The following PIK3R4 variants were observed in gnomAD, a reference collection of about 807,000 sequenced individuals.
PIK3R4 encodes the protein phosphoinositide-3-kinase regulatory subunit 4, also known as phosphoinositide 3-kinase regulatory subunit 4.
A neutral mutation model predicts 136.5 loss-of-function variants in PIK3R4; 46 were observed. The observed-to-expected ratio is 0.34, with a 90% CI of 0.27 to 0.43. PIK3R4 has a LOEUF of 0.43. Ranked by LOEUF, PIK3R4 falls within the 20% of genes least tolerant of loss-of-function variation. PIK3R4 has a pLI of 1.00. For synonymous variants in PIK3R4, 557 were observed against 566.7 expected (o/e 0.98, Z 0.24); for missense variants, 1,331 against 1,649.5 (o/e 0.81, Z 3.35).
intron 13 of PIK3R4, 90 bp downstream of exon 13, chr3:130,703,633 A>G: frequency 1.1e-6 from 1 of 930,258 alleles, no homozygotes; most frequent in Non-Finnish European, 1.7e-6. Context: ...TATGCCTGGT[A>G]CCCAAAACAG....
chr3:130,738,010 T>C (rs2107621398), intron 2 of PIK3R4, among the ~76,000 whole-genome samples: 1 of 152,336 alleles, frequency 6.6e-6, no homozygotes, highest in South Asian at 2.1e-4. Context: ...GAACGCAATT[T>C]ACATGAGGAA....
intron 4 of PIK3R4, among the ~76,000 whole-genome samples, chr3:130,731,233 T>C (rs1341847014): frequency 6.6e-6 from 1 of 152,240 alleles, no homozygotes; most frequent in African/African-American, 2.4e-5. Flanking sequence ...GGTCAAAGAC[T>C]GTACTCTTTT....
At chr3:130,694,271 T>C (rs6802397) in intron 13 of PIK3R4, among the ~76,000 whole-genome samples, 3,018 of 152,102 alleles carry the variant, frequency 0.02, 102 homozygotes, top group African/African-American at 0.068. Context: ...TCTCTTGTAA[T>C]TCTTTATGGA....
At chr3:130,703,610 T>C in intron 13 of PIK3R4, 113 bp downstream of exon 13, 2 of 726,534 alleles carry the variant, frequency 2.8e-6, no homozygotes. Context: ...TTTTTGTCCA[T>C]TTATTGTTGC....
At position 130,733,972 on chromosome 3, in the gene PIK3R4, A is replaced by T; in HGVS notation, c.1026T>A (p.Arg342=). ...AKETFLSADE[R]ILVIRKDLGN... is the part of the protein sequence containing the mutation. ...CCAAATCCTTCCGTATAACCAGAAT[A>T]CGCTCATCTGCAGAAAGAAACGTTT... The change falls in exon 4 of 20, where the codon CGT becomes CGA. Residue 342 remains arginine, a synonymous_variant. Coordinates refer to ENST00000356763, the MANE Select transcript of PIK3R4 (RefSeq NM_014602.3). 2 of 1,614,150 alleles carry T rather than the reference A, an allele frequency of 1.2e-6. No homozygotes were observed. Among genetic ancestry groups the T allele is most frequent in the Non-Finnish European group, 8.5e-7 (1 of 1,180,000 alleles).
At chr3:130,706,847 C>A in intron 11 of PIK3R4, 101 bp downstream of exon 11, 1 of 774,696 alleles carries the variant, frequency 1.3e-6, no homozygotes, top group Admixed American at 3.6e-5. Flanking sequence ...GACAAGTCAC[C>A]ATATTGATTT....
At chr3:130,715,414 G>A (rs2066659078) in intron 9 of PIK3R4, among the ~76,000 whole-genome samples, 1 of 151,872 alleles carries the variant, frequency 6.6e-6, no homozygotes, top group Non-Finnish European at 1.5e-5. Flanking sequence ...CTGAACCACG[G>A]CACCCGGCCT....
At chr3:130,718,585 G>A (rs780816067) in intron 7 of PIK3R4, 51 bp from the exon 8 acceptor site, 19 of 1,584,248 alleles carry the variant, frequency 1.2e-5, no homozygotes, top group East Asian at 6.7e-5. Context: ...TCAAACTATC[G>A]GGATAAACAA....
chr3:130,742,704 C>G (rs2107623573), intron 2 of PIK3R4, among the ~76,000 whole-genome samples: 1 of 152,246 alleles, frequency 6.6e-6, no homozygotes, highest in South Asian at 2.1e-4. Context: ...CCTAAATAAT[C>G]TAAAATTTGG....
intron 17 of PIK3R4, 67 bp downstream of exon 17, chr3:130,681,424 A>T: frequency 1.9e-6 from 2 of 1,051,402 alleles, no homozygotes; most frequent in Non-Finnish European, 2.9e-6. Flanking sequence ...AGGTTTGATT[A>T]AATGCCTGAA....
chr3:130,712,395 G>A (rs764994693), intron 9 of PIK3R4, among the ~76,000 whole-genome samples: 10 of 152,096 alleles, frequency 6.6e-5, no homozygotes, highest in African/African-American at 2.2e-4. Flanking sequence ...CTCGCCGGGC[G>A]AGGTGGCTCA....
At chr3:130,685,885 T>C (rs555614931) in intron 15 of PIK3R4, among the ~76,000 whole-genome samples, 15 of 152,242 alleles carry the variant, frequency 9.9e-5, no homozygotes, top group African/African-American at 3.6e-4. Context: ...TTGGATGCTA[T>C]TTTCCTTAAG....
intron 16 of PIK3R4, among the ~76,000 whole-genome samples, chr3:130,682,768 A>G (rs1289385083): frequency 6.6e-6 from 1 of 152,180 alleles, no homozygotes; most frequent in Non-Finnish European, 1.5e-5. Context: ...TTTTATTTGA[A>G]AATAAATTCT....
At chr3:130,735,757 G>A (rs2066782526) in intron 3 of PIK3R4, 112 bp downstream of exon 3, 2 of 867,146 alleles carry the variant, frequency 2.3e-6, no homozygotes, top group African/African-American at 3.4e-5. Context: ...ATTAGTCTAT[G>A]GTGTTTTACT....
At chr3:130,739,055 AC>A (rs1305804980) in intron 2 of PIK3R4, among the ~76,000 whole-genome samples, 2 of 152,086 alleles carry the variant, frequency 1.3e-5, no homozygotes, top group African/African-American at 4.8e-5. Context: ...ATATTAGCAC[AC>A]CTTTTTTTGT....
chr3:130,710,128 G>A (rs186494380), intron 9 of PIK3R4, among the ~76,000 whole-genome samples: 38 of 151,956 alleles, frequency 2.5e-4, no homozygotes, highest in Admixed American at 2.4e-3. Context: ...GTTCATAAAC[G>A]CAAATGAAAA....
At chr3:130,705,253 A>T (rs2066599939) in intron 12 of PIK3R4, among the ~76,000 whole-genome samples, 1 of 152,248 alleles carries the variant, frequency 6.6e-6, no homozygotes, top group South Asian at 2.1e-4. Context: ...CAAAGAAGCC[A>T]GACATTCAAG....
chr3:130,690,804 A>G (rs944055794), intron 13 of PIK3R4, 150 bp from the exon 14 acceptor site: 2 of 555,100 alleles, frequency 3.6e-6, no homozygotes, highest in African/African-American at 3.8e-5. Flanking sequence ...CTCTCAAAAG[A>G]ACTGTTACAA....
intron 9 of PIK3R4, among the ~76,000 whole-genome samples, chr3:130,713,693 GAT>G (rs1400011518): frequency 6.6e-6 from 1 of 152,166 alleles, no homozygotes; most frequent in African/African-American, 2.4e-5. Flanking sequence ...TTTTTCTTGA[GAT>G]AGAGTCTTGC....
Sources: allele counts gnomAD v4.1 joint callset (sites outside exome capture counted in the v4.1 genomes callset), GRCh38; gene constraint gnomAD v4.1.1; transcripts MANE v1.5; gene names NCBI Gene and HGNC (gene_info 2026-07-23, HGNC 2026-07-21).